The following CETP variants were observed in gnomAD, a reference collection of about 807,000 sequenced individuals.
The protein encoded by CETP is BPI fold containing family F.
A neutral mutation model predicts 66.5 loss-of-function variants in CETP; 56 were observed. That is an observed-to-expected ratio of 0.84 (90% CI 0.68 to 1.05). The LOEUF is 1.05. Ranked by LOEUF, CETP falls within the 50% of genes least tolerant of loss-of-function variation. CETP has a pLI of 0.00. For missense variants in CETP, 612 were observed against 609.6 expected (o/e 1.00, Z -0.04); for synonymous variants, 251 against 245.7 (o/e 1.02, Z -0.20).
Position 56,981,181 on chromosome 16 carries a change from C to A in CETP, c.1170C>A (p.Ala390=), listed in dbSNP as rs747146078. The A allele has an allele frequency of 1.2e-6, 2 of 1,613,786 alleles. No individual in the cohort carries two copies. The highest frequency in any genetic ancestry group is 4.5e-5 in the East Asian group (2 of 44,872). ...AGGATATCGTGACTACCGTCCAGGC[C>A]TCCTATTCTAAGAAAAAGCTCTTCT... ...FEEDIVTTVQ[A]SYSKKKLFLS... Residue 390 remains alanine (A), a synonymous_variant, in exon 12 of 16, where the codon GCC becomes GCA. Coordinates refer to ENST00000200676, the MANE Select transcript of CETP (RefSeq NM_000078.3).
chr16:56,967,977 TAAA>T (rs11347120), intron 2 of CETP, among the ~76,000 whole-genome samples: 2 of 147,374 alleles, frequency 1.4e-5, no homozygotes, highest in Admixed American at 1.4e-4. Context: ...AAGAACAAAC[TAAA>T]AAAAAAAAAA....
In CETP at chr16:56,963,351, G is replaced by T. The variant is rs192983539; in HGVS notation, c.233+227G>T. The stretch of plus-strand genomic sequence containing the variant: ...AACCTCTCCAACAGCCCCTCTAAGA[G>T]TCAGGCTTCAAAGGGTCCTTTCCCA... On this transcript the variant is annotated intron_variant, in intron 2 of 15. Transcript: ENST00000200676. Among the ~76,000 whole-genome samples, 443 of 152,340 alleles carry T rather than the reference G, an allele frequency of 2.9e-3. 1 individual carries two copies. The highest frequency in any genetic ancestry group is 0.01 in the African/African-American group (432 of 41,584).
At chr16:56,974,615 A>G (rs2056136725) in intron 9 of CETP, among the ~76,000 whole-genome samples, 1 of 152,252 alleles carries the variant, frequency 6.6e-6, no homozygotes, top group Non-Finnish European at 1.5e-5. Flanking sequence ...TATTGCAGTT[A>G]TATTTGCTAC....
chr16:56,968,438 C>A (rs1390478132), intron 2 of CETP, among the ~76,000 whole-genome samples: 1 of 152,128 alleles, frequency 6.6e-6, no homozygotes, highest in Non-Finnish European at 1.5e-5. Flanking sequence ...CTGCCCTCCT[C>A]GGCCTCCCAA....
At chr16:56,969,766 G>T (rs2056095548) in intron 4 of CETP, 85 bp downstream of exon 4, 5 of 1,573,602 alleles carry the variant, frequency 3.2e-6, no homozygotes, top group Non-Finnish European at 4.3e-6. Flanking sequence ...CAGGCAGAGG[G>T]TTCTGGGGCC....
chr16:56,967,449 A>C (rs2056075685), intron 2 of CETP, among the ~76,000 whole-genome samples: 2 of 152,090 alleles, frequency 1.3e-5, no homozygotes, highest in South Asian at 2.1e-4. Context: ...TGAGGTCAGG[A>C]GTTCAAGACC....
intron 2 of CETP, among the ~76,000 whole-genome samples, chr16:56,969,103 G>T (rs576518508): frequency 2.0e-5 from 3 of 151,394 alleles, no homozygotes; most frequent in South Asian, 2.1e-4. Context: ...TCCACTTTTC[G>T]GTACCCTGTG....
intron 1 of CETP, 57 bp downstream of exon 1, chr16:56,962,154 TG>T: frequency 1.4e-6 from 2 of 1,440,282 alleles, no homozygotes; most frequent in South Asian, 2.3e-5. Context: ...ACACCCACTA[TG>T]CCAGGAGCCT....
intron 10 of CETP, among the ~76,000 whole-genome samples, chr16:56,975,738 C>G (rs1476431706): frequency 1.1e-5 from 1 of 88,216 alleles, no homozygotes; most frequent in Non-Finnish European, 2.9e-5. Flanking sequence ...GGTCACCTCA[C>G]TCCCCCCACC....
intron 10 of CETP, 35 bp from the exon 11 acceptor site, chr16:56,978,056 C>A (rs750792591): frequency 3.7e-6 from 6 of 1,611,358 alleles, no homozygotes; most frequent in Non-Finnish European, 5.1e-6. Flanking sequence ...CCTGATGGGC[C>A]CCTGTCCTGG....
rs711752 is a variant in CETP at position 56,962,299 on chromosome 16, G to A, written c.118+202G>A. 307,049 of 737,362 alleles carry A rather than the reference G, an allele frequency of 0.42. 65,187 individuals are homozygous for A. The highest frequency in any genetic ancestry group is 0.47 in the South Asian group (33,886 of 72,074). The allele number at this position is 737,362 out of a possible 1,614,324, so 45.7% of individuals were successfully genotyped here. ...CGCCTTCAAGGTCAAGTTCTTTGGT[G>A]AGAAGGTCCTAGCTGCATTGCAAAC... On this transcript the variant is annotated intron_variant, in intron 1 of 15. Transcript: ENST00000200676.
intron 11 of CETP, among the ~76,000 whole-genome samples, chr16:56,979,614 G>A (rs12708981): frequency 0.018 from 2,793 of 151,896 alleles, 92 homozygotes; most frequent in African/African-American, 0.063. Context: ...TGGTTCAAGC[G>A]ATTCGCGTGC....
At chr16:56,967,713 T>C (rs1039840280) in intron 2 of CETP, among the ~76,000 whole-genome samples, 2 of 150,956 alleles carry the variant, frequency 1.3e-5, no homozygotes, top group Non-Finnish European at 2.9e-5. Context: ...TGAAAGAGGA[T>C]TGGAGATTGT....
chr16:56,973,277 A>G, intron 8 of CETP, 54 bp from the exon 9 acceptor site: 2 of 1,589,722 alleles, frequency 1.3e-6, no homozygotes, highest in Non-Finnish European at 1.7e-6. Context: ...CTGAAGCTGG[A>G]CCTGAGCCCA....
chr16:56,983,725 C>G lies in CETP; in HGVS notation c.*59C>G. The G allele has an allele frequency of 6.6e-7, 1 of 1,503,892 alleles. No homozygotes were observed. Among genetic ancestry groups the G allele is most frequent in the Non-Finnish European group, 9.3e-7 (1 of 1,079,752 alleles). The allele number at this position is 1,503,892 out of a possible 1,614,324, so 93.2% of individuals were successfully genotyped here. A position where few individuals can be genotyped will look rare whatever the true frequency, so the allele number is the denominator to read the frequency against. On this transcript the variant is annotated 3_prime_UTR_variant, in exon 16 of 16. Transcript: ENST00000200676. Reference sequence around the variant, plus strand: ...CAGAAGGCAAGCACCAGGCTCACAGCTGGAACCCTGGTGTCTCCTCCAGCG... The same window carrying G: ...CAGAAGGCAAGCACCAGGCTCACAGGTGGAACCCTGGTGTCTCCTCCAGCG...
intron 10 of CETP, among the ~76,000 whole-genome samples, 175 bp from the exon 11 acceptor site, chr16:56,977,916 G>C (rs1440810687): frequency 1.3e-5 from 2 of 152,228 alleles, no homozygotes; most frequent in African/African-American, 4.8e-5. Context: ...CTGAGGCCCA[G>C]AGAGGACAAG....
intron 9 of CETP, among the ~76,000 whole-genome samples, chr16:56,974,861 C>G (rs917231781): frequency 2.0e-5 from 3 of 152,192 alleles, no homozygotes; most frequent in African/African-American, 7.2e-5. Flanking sequence ...GGGGAAGAGA[C>G]TTGTGCGAGG....
At chr16:56,963,825 C>T (rs1180453769) in intron 2 of CETP, among the ~76,000 whole-genome samples, 1 of 151,846 alleles carries the variant, frequency 6.6e-6, no homozygotes, top group Non-Finnish European at 1.5e-5. Context: ...CACGTCACCA[C>T]ATCCGCGTAA....
At chr16:56,977,188 G>T (rs978226032) in intron 10 of CETP, among the ~76,000 whole-genome samples, 1 of 152,170 alleles carries the variant, frequency 6.6e-6, no homozygotes, top group Non-Finnish European at 1.5e-5. Context: ...CGGGATTACA[G>T]GTGTGAGCTC....
Sources: gnomAD v4.1 joint callset for allele counts (sites outside exome capture counted in the v4.1 genomes callset) on GRCh38, gnomAD v4.1.1 for gene constraint, MANE v1.5 for transcripts, NCBI Gene and HGNC (gene_info 2026-07-23, HGNC 2026-07-21) for gene names.